The following ASZ1 variants were observed in gnomAD, a reference collection of about 807,000 sequenced individuals.
The protein encoded by ASZ1 is ankyrin repeat, SAM and basic leucine zipper domain containing 1.
In ASZ1, 67 loss-of-function variants were observed where a neutral mutation model predicts 61.8. That is an observed-to-expected ratio of 1.08 (90% CI 0.89 to 1.33). The LOEUF (loss-of-function observed/expected upper bound fraction) is 1.33, where lower values mean the gene tolerates loss of function less well. Among genes scored for constraint, ASZ1 ranks in the 40% most tolerant of loss-of-function variants. The pLI, the probability that ASZ1 is intolerant of heterozygous loss-of-function variation, is 0.00. For missense variants in ASZ1, 577 were observed against 554.5 expected, an observed-to-expected ratio of 1.04 and a Z score of -0.41; for synonymous variants, 193 against 192.7, an observed-to-expected ratio of 1.00 and a Z score of -0.01.
chr7:117,382,204 T>C (rs1796268006), intron 7 of ASZ1, 60 bp from the exon 8 acceptor site: 3 of 972,914 alleles, frequency 3.1e-6, no homozygotes, highest in Non-Finnish European at 4.9e-6. Flanking sequence ...AAGCGATAAA[T>C]ATACATTTAT....
intron 8 of ASZ1, among the ~76,000 whole-genome samples, chr7:117,381,724 TA>T (rs1177903535): frequency 6.6e-6 from 1 of 152,010 alleles, no homozygotes; most frequent in East Asian, 1.9e-4. Flanking sequence ...GATTAAACAT[TA>T]GAGCAAGAAT....
intron 5 of ASZ1, 106 bp downstream of exon 5, chr7:117,385,592 C>A: frequency 2.2e-6 from 2 of 911,944 alleles, no homozygotes; most frequent in Non-Finnish European, 1.7e-6. Flanking sequence ...CACCAGATAG[C>A]AATTATATTC....
intron 3 of ASZ1, 143 bp from the exon 4 acceptor site, chr7:117,420,417 G>C: frequency 3.8e-6 from 2 of 530,272 alleles, no homozygotes; most frequent in Non-Finnish European, 6.5e-6. Flanking sequence ...AGGTAACTTT[G>C]TCTTCCTTCA....
At chr7:117,389,039 G>T (rs1584727573) in intron 4 of ASZ1, among the ~76,000 whole-genome samples, 4 of 152,064 alleles carry the variant, frequency 2.6e-5, no homozygotes, top group South Asian at 4.1e-4. Context: ...AAATATAAAA[G>T]CCAGGAAATC....
chr7:117,405,878 C>T (rs1171868245), intron 4 of ASZ1, among the ~76,000 whole-genome samples: 1 of 152,200 alleles, frequency 6.6e-6, no homozygotes, highest in East Asian at 1.9e-4. Context: ...ACAAGTTACA[C>T]AGAATTTTTA....
chr7:117,380,870 C>A, intron 9 of ASZ1, 141 bp downstream of exon 9: 1 of 717,456 alleles, frequency 1.4e-6, no homozygotes, highest in Non-Finnish European at 2.4e-6. Flanking sequence ...TACGGTTATC[C>A]ATAATCATAT....
Position 117,426,835 on chromosome 7 carries a change from C to A in ASZ1, c.205+1G>T, listed in dbSNP as rs751897138. 1.3e-5 allele frequency: 20 copies of A among 1,596,244 alleles called. No individual in the cohort carries two copies. The highest frequency in any genetic ancestry group is 1.6e-5 in the Non-Finnish European group (19 of 1,175,282). On this transcript the variant is annotated splice_donor_variant, in intron 2 of 12. Transcript: ENST00000284629. LOFTEE classifies it high-confidence loss of function. ...AGATGAAACTGTCCCTTATCTCTCA[C>A]CAGAATCTAGGAGCTCCTGGACCAA...
intron 4 of ASZ1, among the ~76,000 whole-genome samples, chr7:117,403,591 C>T (rs879502450): frequency 1.3e-5 from 2 of 152,106 alleles, no homozygotes; most frequent in Non-Finnish European, 2.9e-5. Context: ...GCTATATATA[C>T]TAAATAGGGT....
intron 1 of ASZ1, 93 bp downstream of exon 1, chr7:117,427,263 A>C: frequency 3.8e-6 from 5 of 1,326,304 alleles, no homozygotes; most frequent in Non-Finnish European, 4.3e-6. Flanking sequence ...AATACACGTG[A>C]GGGAGTAGGA....
At chr7:117,380,862 C>T (rs1019676556) in intron 9 of ASZ1, 149 bp downstream of exon 9, 23 of 683,950 alleles carry the variant, frequency 3.4e-5, no homozygotes, top group Admixed American at 5.2e-5. Context: ...ATTTTAGATA[C>T]GGTTATCCAT....
At chr7:117,404,417 C>CTTTT (rs57876175) in intron 4 of ASZ1, among the ~76,000 whole-genome samples, 2,303 of 130,432 alleles carry the variant, frequency 0.018, 73 homozygotes, top group African/African-American at 0.071. Flanking sequence ...TGACTGTTTC[C>CTTTT]TTTTTTTTTT....
intron 6 of ASZ1, among the ~76,000 whole-genome samples, chr7:117,383,915 T>C (rs910423382): frequency 1.3e-5 from 2 of 152,048 alleles, no homozygotes; most frequent in Non-Finnish European, 2.9e-5. Context: ...TCTGAAAATA[T>C]TAGAATAATA....
At chr7:117,427,300 C>T (rs917175339) in intron 1 of ASZ1, 56 bp downstream of exon 1, 52 of 1,578,178 alleles carry the variant, frequency 3.3e-5, no homozygotes, top group South Asian at 5.5e-5. Flanking sequence ...GCCTCGCCTT[C>T]GAGGGCCAGG....
intron 11 of ASZ1, 21 bp from the exon 12 acceptor site, chr7:117,367,486 T>G: frequency 1.4e-6 from 2 of 1,444,630 alleles, no homozygotes; most frequent in Non-Finnish European, 9.2e-7. Context: ...TTTCAAAAGT[T>G]CAACATTAAA....
Position 117,363,628 on chromosome 7 carries a change from AAAG to A in ASZ1, c.1393_1395del (p.Leu465del), listed in dbSNP as rs1244144928. On this transcript the variant is annotated inframe_deletion, in exon 13 of 13. Transcript: ENST00000284629. ...CTCTGGAAAGTTAGCTTGCAAATGAAAAGAAGAAAACCGAATCCGCATATGGTA... is the reference window on the plus strand; with the variant it reads ...CTCTGGAAAGTTAGCTTGCAAATGAAAAGAAAACCGAATCCGCATATGGTA... 3 of 1,601,480 alleles carry A rather than the reference AAAG, an allele frequency of 1.9e-6. No homozygotes were observed. Among genetic ancestry groups the A allele is most frequent in the Non-Finnish European group, 2.6e-6 (3 of 1,175,196 alleles).
intron 6 of ASZ1, 45 bp downstream of exon 6, chr7:117,384,681 T>G (rs768607315): frequency 6.5e-7 from 1 of 1,548,380 alleles, no homozygotes; most frequent in Non-Finnish European, 8.8e-7. Context: ...CAAATGATAA[T>G]GTGATATGCC....
rs939585454 is a variant in ASZ1, at chr7:117,416,823, C to T, written c.440+3340G>A. Among the ~76,000 whole-genome samples, 18 of 152,106 alleles carry T rather than the reference C, an allele frequency of 1.2e-4. 1 individual carries two copies. The highest frequency in any genetic ancestry group is 2.0e-4 in the Admixed American group (3 of 15,272). ...ACAGAATTCCCTCAGTACCATTCAG[C>T]GAGATTTCTAATTAGTTAAGTAGAG... On this transcript the variant is annotated intron_variant, in intron 4 of 12. Coordinates refer to ENST00000284629, the MANE Select transcript of ASZ1 (RefSeq NM_130768.3).
intron 3 of ASZ1, among the ~76,000 whole-genome samples, chr7:117,421,177 A>T (rs1797093083): frequency 6.6e-6 from 1 of 152,208 alleles, no homozygotes; most frequent in Non-Finnish European, 1.5e-5. Flanking sequence ...AATATTTTAT[A>T]CACTTTTGAA....
In ASZ1 at chr7:117,368,728, G is replaced by T. The variant is rs1218386083; in HGVS notation, c.1056-11C>A. The T allele has an allele frequency of 2.5e-6, 4 of 1,608,778 alleles. No homozygotes were observed. The East Asian group carries it at 9.0e-5, about 36-fold the overall frequency. Reference sequence around the variant, plus strand: ...AGGAACTCATCACCACTAAAGAAAGGAAACAAACAAACAAGCAGGAATTAC... The same window carrying T: ...AGGAACTCATCACCACTAAAGAAAGTAAACAAACAAACAAGCAGGAATTAC... On this transcript the variant is annotated splice_polypyrimidine_tract_variant and intron_variant, in intron 10 of 12. Coordinates refer to ENST00000284629, the MANE Select transcript of ASZ1 (RefSeq NM_130768.3).
Sources: gnomAD v4.1 joint callset for allele counts (sites outside exome capture counted in the v4.1 genomes callset) on GRCh38, gnomAD v4.1.1 for gene constraint, MANE v1.5 for transcripts, NCBI Gene and HGNC (gene_info 2026-07-23, HGNC 2026-07-21) for gene names.